CORO7: variants seen among roughly 807,000 people sequenced by gnomAD.
CORO7 encodes the protein coronin 7.
A neutral mutation model predicts 126.6 loss-of-function variants in CORO7; 107 were observed. That is an observed-to-expected ratio of 0.85 (90% CI 0.72 to 0.99). CORO7 has a LOEUF of 0.99. Ranked by LOEUF, CORO7 falls within the 50% of genes least tolerant of loss-of-function variation. The probability of loss-of-function intolerance (pLI) is 0.00; values close to 1 mark genes in which losing one functional copy is unlikely to be tolerated. For missense variants in CORO7, 1,314 were observed against 1,255.8 expected, an observed-to-expected ratio of 1.05 and a Z score of -0.70; for synonymous variants, 603 against 536.8, an observed-to-expected ratio of 1.12 and a Z score of -1.70.
At chr16:4,382,897 T>G in intron 9 of CORO7, 3 of 1,511,368 alleles carry the variant, frequency 2.0e-6, no homozygotes, top group Non-Finnish European at 2.7e-6. Context: ...GCCCTACATC[T>G]AAGCCAGAGA....
At chr16:4,363,432 CGTG>C (rs2054247851) in intron 14 of CORO7, among the ~76,000 whole-genome samples, 1 of 151,726 alleles carries the variant, frequency 6.6e-6, no homozygotes, top group Non-Finnish European at 1.5e-5. Context: ...ATTAGCCAGG[CGTG>C]GTGGTGCGCG....
chr16:4,413,056 T>C, intron 2 of CORO7: 1 of 424,366 alleles, frequency 2.4e-6, no homozygotes, highest in Non-Finnish European at 4.2e-6. Context: ...GTCAGTCCCC[T>C]CCCAGCCCTC....
intron 7 of CORO7, 72 bp downstream of exon 7, chr16:4,395,217 A>G: frequency 6.2e-7 from 1 of 1,608,478 alleles, no homozygotes; most frequent in Non-Finnish European, 8.5e-7. Context: ...CCCTACCTCC[A>G]CCTGCTAGAA....
chr16:4,381,537 C>T (rs761859560), intron 9 of CORO7: 1 of 1,604,558 alleles, frequency 6.2e-7, no homozygotes, highest in South Asian at 1.1e-5. Flanking sequence ...ACCTCCACGA[C>T]CTGGATGTGT....
At chr16:4,374,609 G>A (rs975678111) in intron 9 of CORO7, among the ~76,000 whole-genome samples, 1 of 152,192 alleles carries the variant, frequency 6.6e-6, no homozygotes, top group Non-Finnish European at 1.5e-5. Context: ...AGCCCGGCTG[G>A]GCATTGAGAG....
chr16:4,359,230 C>G, intron 23 of CORO7, 66 bp downstream of exon 23: 2 of 1,498,610 alleles, frequency 1.3e-6, no homozygotes, highest in South Asian at 2.7e-5. Flanking sequence ...TACTTGCCCA[C>G]ATGGCCACCA....
In CORO7 at chr16:4,394,569, A is replaced by G. The variant is rs2055517235; in HGVS notation, c.615+720T>C. On this transcript the variant is annotated intron_variant, in intron 7 of 27. Transcript: ENST00000251166. ...AAGCCCGTCCTCCTTCAGGCCATCT[A>G]TGTCTGCCCCCTTGGCATTACTCAG... 2.6e-5 allele frequency among the ~76,000 whole-genome samples: 4 copies of G among 151,956 alleles called. No homozygotes were observed. The South Asian group carries it at 6.2e-4, about 24-fold the overall frequency.
At chr16:4,415,367 A>C (rs958716518) in intron 1 of CORO7, among the ~76,000 whole-genome samples, 3 of 152,072 alleles carry the variant, frequency 2.0e-5, no homozygotes, top group Admixed American at 6.6e-5. Context: ...CATCTACTCC[A>C]GGCAGCCTTT....
chr16:4,403,434 C>T (rs1184867709), intron 6 of CORO7, among the ~76,000 whole-genome samples: 1 of 152,130 alleles, frequency 6.6e-6, no homozygotes, highest in African/African-American at 2.4e-5. Flanking sequence ...ATGCTGCGTC[C>T]CCGCAGGCGG....
At chr16:4,413,541 T>A in intron 1 of CORO7, 137 bp from the exon 2 acceptor site, 1 of 725,304 alleles carries the variant, frequency 1.4e-6, no homozygotes, top group Non-Finnish European at 2.1e-6. Context: ...TTTTATTTAC[T>A]TTTTTTTTCT....
intron 6 of CORO7, among the ~76,000 whole-genome samples, chr16:4,397,110 A>C (rs2055624182): frequency 6.6e-6 from 1 of 152,048 alleles, no homozygotes; most frequent in African/African-American, 2.4e-5. Flanking sequence ...CTCAACATAC[A>C]ATGGAGTTAC....
chr16:4,360,800 T>C, intron 19 of CORO7, 143 bp downstream of exon 19: 1 of 1,369,160 alleles, frequency 7.3e-7, no homozygotes, highest in Non-Finnish European at 9.5e-7. Context: ...CCCCCTCTCC[T>C]CACTGCTGGC....
intron 9 of CORO7, chr16:4,381,735 C>A: frequency 6.2e-7 from 1 of 1,605,300 alleles, no homozygotes; most frequent in Non-Finnish European, 8.5e-7. Context: ...TCTCGGGCCT[C>A]TTCCCCCGCC....
intron 9 of CORO7, among the ~76,000 whole-genome samples, chr16:4,365,755 G>C (rs7189590): frequency 0.038 from 5,776 of 152,082 alleles, 393 homozygotes; most frequent in African/African-American, 0.13. Flanking sequence ...CCTCCCCAGG[G>C]CCTCCACCTG....
chr16:4,387,096 T>C (rs760441441), intron 9 of CORO7, among the ~76,000 whole-genome samples: 1 of 152,166 alleles, frequency 6.6e-6, no homozygotes, highest in Non-Finnish European at 1.5e-5. Context: ...GCAAGGCCCT[T>C]ATAAGTCACG....
chr16:4,386,166 G>C (rs896475146), intron 9 of CORO7, among the ~76,000 whole-genome samples: 1 of 152,208 alleles, frequency 6.6e-6, no homozygotes, highest in Admixed American at 6.5e-5. Context: ...GGGCAGAGGG[G>C]AGAGGACCCT....
chr16:4,357,541 A>G, intron 25 of CORO7: 1 of 371,006 alleles, frequency 2.7e-6, no homozygotes, highest in South Asian at 3.5e-5. Context: ...TTTTTAGTAG[A>G]GATGGGGTTT....
intron 9 of CORO7, among the ~76,000 whole-genome samples, chr16:4,383,708 C>G (rs2055088347): frequency 6.6e-6 from 1 of 152,192 alleles, no homozygotes; most frequent in Admixed American, 6.5e-5. Flanking sequence ...CAGGTGGGAG[C>G]AGGGCTGCCT....
At position 4,364,427 on chromosome 16, in the gene CORO7, G is replaced by A. The variant is rs747853443; in HGVS notation, c.1138-14C>T. 48 of 1,493,664 alleles carry A rather than the reference G, an allele frequency of 3.2e-5. No homozygotes were observed. The highest frequency in any genetic ancestry group is 2.3e-4 in the Middle Eastern group (1 of 4,276). 92.5% of individuals were successfully genotyped at this position (1,493,664 alleles called of 1,614,324 possible). A position where few individuals can be genotyped will look rare whatever the true frequency, so the allele number is the denominator to read the frequency against. On this transcript the variant is annotated splice_polypyrimidine_tract_variant and intron_variant, in intron 13 of 27. Transcript: ENST00000251166. The stretch of plus-strand genomic sequence containing the variant: ...GACCTTCTGCACCTGCATGGAGGCC[G>A]GCAGTGGGGAGATGGGGGCATGGGC...
Sources: gnomAD v4.1 joint callset for allele counts (sites outside exome capture counted in the v4.1 genomes callset) on GRCh38, gnomAD v4.1.1 for gene constraint, MANE v1.5 for transcripts, NCBI Gene and HGNC (gene_info 2026-07-23, HGNC 2026-07-21) for gene names.